The following CAPRIN2 variants were observed in gnomAD, a reference collection of about 807,000 sequenced individuals.
CAPRIN2 encodes caprin family member 2, also known as caprin-2.
CAPRIN2 carries 66 observed loss-of-function variants against 130.4 expected under a neutral mutation model. The observed-to-expected ratio is 0.51, with a 90% confidence interval of 0.42 to 0.62. The LOEUF is 0.62. Ranked by LOEUF, CAPRIN2 falls within the 20% of genes least tolerant of loss-of-function variation. The pLI, the probability that CAPRIN2 is intolerant of heterozygous loss-of-function variation, is 0.00. For synonymous variants in CAPRIN2, 471 were observed against 444.1 expected (o/e 1.06, Z -0.76); for missense variants, 1,185 against 1,246.6 (o/e 0.95, Z 0.74).
At chr12:30,732,505 G>A (rs192365955) in intron 5 of CAPRIN2, among the ~76,000 whole-genome samples, 17 of 151,922 alleles carry the variant, frequency 1.1e-4, no homozygotes, top group Admixed American at 9.2e-4. Context: ...ATGATATAGA[G>A]GATTTTCATC....
At chr12:30,750,560 A>G (rs1306721818) in intron 2 of CAPRIN2, among the ~76,000 whole-genome samples, 1 of 151,804 alleles carries the variant, frequency 6.6e-6, no homozygotes, top group African/African-American at 2.4e-5. Context: ...AAGGCCAGAT[A>G]TCTATCAGAT....
intron 2 of CAPRIN2, among the ~76,000 whole-genome samples, chr12:30,742,415 G>C (rs1463658623): frequency 1.3e-5 from 2 of 151,868 alleles, no homozygotes; most frequent in African/African-American, 2.4e-5. Flanking sequence ...CCTAATGATA[G>C]ATATGTACCC....
chr12:30,748,453 A>T (rs1231787069), intron 2 of CAPRIN2, among the ~76,000 whole-genome samples: 1 of 152,252 alleles, frequency 6.6e-6, no homozygotes, highest in Admixed American at 6.5e-5. Context: ...AATAATTTTT[A>T]ATCAAGGTGT....
intron 2 of CAPRIN2, among the ~76,000 whole-genome samples, chr12:30,742,741 AAGG>A (rs1157333277): frequency 6.6e-6 from 1 of 151,840 alleles, no homozygotes; most frequent in East Asian, 1.9e-4. Flanking sequence ...TGGTTACAGG[AAGG>A]AGAAGGTACC....
In CAPRIN2 at chr12:30,731,288, T is replaced by C. The variant is rs957067293; in HGVS notation, c.1060+55A>G. The C allele has an allele frequency of 3.3e-5, 46 of 1,385,376 alleles. No homozygotes were observed. The highest frequency in any genetic ancestry group is 5.4e-5 in the Admixed American group (3 of 56,054). The allele number at this position is 1,385,376 out of a possible 1,614,324, so 85.8% of individuals were successfully genotyped here. On this transcript the variant is annotated intron_variant, in intron 6 of 16. Coordinates refer to ENST00000298892, the Ensembl canonical transcript of CAPRIN2. ...CAATCACTGCACAATACGTGACTCA[T>C]TTGGGGTATTAAAAAATGCAACCAC...
exon 1 of CAPRIN2, chr12:30,753,453 A>G: frequency 6.2e-7 from 1 of 1,614,174 alleles, no homozygotes; most frequent in Non-Finnish European, 8.5e-7. Flanking sequence ...AGTAGACTGC[A>G]GGGGGCTCAA....
At chr12:30,719,045 T>C in intron 12 of CAPRIN2, 34 bp downstream of exon 14, 7 of 1,591,838 alleles carry the variant, frequency 4.4e-6, no homozygotes, top group Non-Finnish European at 6.0e-6. Flanking sequence ...ACAGGAATAA[T>C]GAACTGCAAT....
Position 30,710,987 on chromosome 12 carries a change from G to A in CAPRIN2, c.2666-517C>T, listed in dbSNP as rs2054251783. On this transcript the variant is annotated intron_variant, in intron 16 of 16. Transcript: ENST00000298892. The surrounding 1 kb of genome is among the most constrained non-coding windows in gnomAD (Gnocchi z 4.8). ...AAGTCATACACTTGTAATGTTTTAA[G>A]TGCCATACAAAAACACTGCTCACAC... Among the ~76,000 whole-genome samples, 1 of 152,112 alleles carries A rather than the reference G, an allele frequency of 6.6e-6. No homozygotes were observed. Among genetic ancestry groups the A allele is most frequent in the Non-Finnish European group, 1.5e-5 (1 of 68,026 alleles).
chr12:30,721,676 A>C (rs1037419965), intron 11 of CAPRIN2, among the ~76,000 whole-genome samples: 1 of 152,178 alleles, frequency 6.6e-6, no homozygotes, highest in African/African-American at 2.4e-5. Context: ...CCTTTTATCT[A>C]AATGCTTCTA....
exon 1 of CAPRIN2, chr12:30,753,690 G>C: frequency 6.2e-7 from 1 of 1,614,126 alleles, no homozygotes; most frequent in South Asian, 1.1e-5. Flanking sequence ...GGAAAGTCTA[G>C]ACCACTCCCT....
At position 30,710,322 on chromosome 12, in the gene CAPRIN2, G is replaced by A. The variant is rs111761506; in HGVS notation, c.2814C>T (p.His938=). 25 of 1,614,062 alleles carry A rather than the reference G, an allele frequency of 1.5e-5. No individual in the cohort carries two copies. Among genetic ancestry groups the A allele is most frequent in the South Asian group, 3.3e-5 (3 of 91,090 alleles). Reference sequence around the variant, plus strand: ...GCATCTGCTGAGGCAGAGGGTAGACGTGTACTGGCAGTATGGTGGCTGCTG... The same window carrying A: ...GCATCTGCTGAGGCAGAGGGTAGACATGTACTGGCAGTATGGTGGCTGCTG... The change falls in exon 17 of 17, where the codon CAC becomes CAT. Residue 938 remains histidine (H), a synonymous_variant. Coordinates refer to ENST00000298892, the Ensembl canonical transcript of CAPRIN2. This position sits in a 1 kb window ranked among gnomAD's most constrained non-coding sequence, Gnocchi z 4.8.
chr12:30,711,489 A>G (rs2054568718), intron 16 of CAPRIN2, 77 bp downstream of exon 18: 3 of 1,170,484 alleles, frequency 2.6e-6, no homozygotes, highest in Non-Finnish European at 1.3e-6. Context: ...TGTGCTTTGG[A>G]AAGAACTTGG....
At chr12:30,724,757 G>A (rs1182159491) in intron 9 of CAPRIN2, among the ~76,000 whole-genome samples, 1 of 152,166 alleles carries the variant, frequency 6.6e-6, no homozygotes, top group South Asian at 2.1e-4. Context: ...CTGGGAGGCT[G>A]AGGTAGAAGG....
At chr12:30,729,631 G>A (rs1401714650) in intron 7 of CAPRIN2, among the ~76,000 whole-genome samples, 1 of 152,130 alleles carries the variant, frequency 6.6e-6, no homozygotes. Flanking sequence ...AGGCTGTTCC[G>A]CCTTTGCCAG....
chr12:30,742,169 A>G (rs913683444), intron 2 of CAPRIN2, among the ~76,000 whole-genome samples: 4 of 152,142 alleles, frequency 2.6e-5, no homozygotes, highest in African/African-American at 7.2e-5. Context: ...TACCAGTTCG[A>G]TAACTCTACA....
chr12:30,730,055 A>G (rs989646632), intron 7 of CAPRIN2, among the ~76,000 whole-genome samples, 184 bp downstream of exon 8: 1 of 152,134 alleles, frequency 6.6e-6, no homozygotes. Context: ...CGTTATCCCT[A>G]TTTTACATAT....
At chr12:30,747,551 C>T (rs751453553) in intron 2 of CAPRIN2, among the ~76,000 whole-genome samples, 8 of 152,054 alleles carry the variant, frequency 5.3e-5, no homozygotes, top group Middle Eastern at 3.2e-3. Context: ...CTGGCACATG[C>T]CTGTGATCCT....
At chr12:30,731,194 T>C in intron 6 of CAPRIN2, 149 bp downstream of exon 7, 2 of 512,804 alleles carry the variant, frequency 3.9e-6, no homozygotes, top group Non-Finnish European at 6.8e-6. Flanking sequence ...AGATGTTTTA[T>C]AAACCTAGGT....
intron 14 of CAPRIN2, 115 bp downstream of exon 16, chr12:30,714,844 A>G: frequency 1.4e-6 from 1 of 716,450 alleles, no homozygotes; most frequent in Non-Finnish European, 2.3e-6. Flanking sequence ...CAAACAGGAA[A>G]TTCTCTACTA....
Sources: gnomAD v4.1 joint callset for allele counts (sites outside exome capture counted in the v4.1 genomes callset) on GRCh38, gnomAD v4.1.1 for gene constraint, Gnocchi (gnomAD v3.1) non-coding constraint, MANE v1.5 for transcripts, NCBI Gene and HGNC (gene_info 2026-07-23, HGNC 2026-07-21) for gene names.